Variants in PHAF1 observed in about 807,000 individuals in gnomAD.
The protein encoded by PHAF1 is phagosome assembly factor 1.
A neutral mutation model predicts 63.1 loss-of-function variants in PHAF1; 23 were observed. The ratio of observed to expected loss-of-function variants is 0.36; its 90% CI spans 0.26 to 0.52. The LOEUF is 0.52. PHAF1 is among the 20% of genes least tolerant of loss of function. PHAF1 has a pLI of 0.93. For missense variants in PHAF1, 427 were observed against 517.2 expected (o/e 0.83, Z 1.69); for synonymous variants, 167 against 185.0 (o/e 0.90, Z 0.79).
intron 6 of PHAF1, among the ~76,000 whole-genome samples, chr16:67,133,517 A>AC (rs1025625392): frequency 6.7e-6 from 1 of 149,610 alleles, no homozygotes; most frequent in African/African-American, 2.5e-5. Flanking sequence ...AAAAAAAAAA[A>AC]AAAAACAGGC....
In PHAF1 at chr16:67,110,247, T is replaced by G; in HGVS notation, c.64+8T>G. ...AATGGGAATTCACGCTGGGTGAGTT[T>G]GGGGTCCTCTGTCAGGACCCCATTC... On this transcript the variant is annotated splice_region_variant and intron_variant, in intron 1 of 15. Coordinates refer to ENST00000219139, the MANE Select transcript of PHAF1 (RefSeq NM_025187.5). 2 of 1,551,802 alleles carry G rather than the reference T, an allele frequency of 1.3e-6. No individual in the cohort carries two copies. The highest frequency in any genetic ancestry group is 1.7e-6 in the Non-Finnish European group (2 of 1,147,082).
chr16:67,118,405 C>T (rs191318442), intron 1 of PHAF1, among the ~76,000 whole-genome samples: 1 of 137,112 alleles, frequency 7.3e-6, no homozygotes, highest in Admixed American at 8.0e-5. Flanking sequence ...GGCGCTATCT[C>T]GGTTCACTAC....
Position 67,147,094 on chromosome 16 carries a change from G to C in PHAF1, c.1232G>C (p.Arg411Thr), listed in dbSNP as rs141965414. Reference protein sequence around the residue: ...IASVTLYGPPRPGSHLRTAEL... With the variant: ...IASVTLYGPPTPGSHLRTAEL... ...TCGGTGACCCTGTATGGCCCCCCCA[G>C]GCCTGGTAGCCACCTGAGAACAGCG... Residue 411 changes from arginine to threonine, a missense_variant, in exon 16 of 16, where the codon AGG becomes ACG. By Grantham distance (71) the Arg-to-Thr change is moderately conservative. Coordinates refer to ENST00000219139, the MANE Select transcript of PHAF1 (RefSeq NM_025187.5). 2.5e-6 allele frequency: 4 copies of C among 1,613,886 alleles called. No individual in the cohort carries two copies. The highest frequency in any genetic ancestry group is 3.4e-6 in the Non-Finnish European group (4 of 1,179,970).
At position 67,110,191 on chromosome 16, in the gene PHAF1, G is replaced by A; in HGVS notation, c.16G>A (p.Val6Ile). The change falls in exon 1 of 16, where the codon GTA becomes ATA. Residue 6 changes from valine (V) to isoleucine (I), a missense_variant. Val to Ile is a conservative substitution (Grantham distance 29, BLOSUM62 3). Coordinates refer to ENST00000219139, the MANE Select transcript of PHAF1 (RefSeq NM_025187.5). MLDLE[V>I]VPERSLGNEQ... ...AGCCGAACCAATGCTGGACCTGGAG[G>A]TAGTGCCCGAACGCTCTCTGGGGAA... 1 of 1,552,800 alleles carries A rather than the reference G, an allele frequency of 6.4e-7. No individual in the cohort carries two copies. Among genetic ancestry groups the A allele is most frequent in the Non-Finnish European group, 8.7e-7 (1 of 1,147,732 alleles).
At chr16:67,144,900 G>T in intron 12 of PHAF1, 23 bp downstream of exon 12, 1 of 1,610,688 alleles carries the variant, frequency 6.2e-7, no homozygotes, top group Admixed American at 1.7e-5. Flanking sequence ...AGCTCTCAGG[G>T]TAAGGGAGGG....
chr16:67,121,117 C>G (rs933162998), intron 2 of PHAF1, among the ~76,000 whole-genome samples: 1 of 151,834 alleles, frequency 6.6e-6, no homozygotes, highest in Non-Finnish European at 1.5e-5. Flanking sequence ...GTGCCTATGA[C>G]AGAACAGGAG....
chr16:67,148,541 G>T lies in PHAF1; in HGVS notation c.*1410G>T, dbSNP rs569634173. On this transcript the variant is annotated 3_prime_UTR_variant, in exon 16 of 16. Transcript: ENST00000219139. ...CTGTTGCTGGGATGTTTGTATTAAG[G>T]TAAGTGTGGGTATTGGTTTTTTGAG... 1 of 152,156 alleles carries T rather than the reference G, an allele frequency of 6.6e-6. No individual in the cohort carries two copies. The highest frequency in any genetic ancestry group is 1.5e-5 in the Non-Finnish European group (1 of 68,002). The allele number at this position is 152,156 out of a possible 1,614,324, so 9.4% of individuals were successfully genotyped here.
chr16:67,142,984 G>A (rs1345447207), intron 10 of PHAF1, among the ~76,000 whole-genome samples: 1 of 152,206 alleles, frequency 6.6e-6, no homozygotes, highest in Non-Finnish European at 1.5e-5. Flanking sequence ...TTAGTTGGCT[G>A]TGGGTACAGG....
chr16:67,138,122 C>T (rs1214123521), intron 8 of PHAF1, among the ~76,000 whole-genome samples: 6 of 152,036 alleles, frequency 3.9e-5, no homozygotes, highest in African/African-American at 1.4e-4. Context: ...CAGAGGGAGA[C>T]AGAAGACTTA....
At chr16:67,128,457 C>T (rs956097398) in intron 3 of PHAF1, among the ~76,000 whole-genome samples, 7 of 152,154 alleles carry the variant, frequency 4.6e-5, no homozygotes, top group Admixed American at 1.3e-4. Context: ...ATCTTCCTGC[C>T]CTTCCATCCA....
chr16:67,142,056 G>A (rs941330330), intron 10 of PHAF1, among the ~76,000 whole-genome samples: 1 of 152,236 alleles, frequency 6.6e-6, no homozygotes, highest in African/African-American at 2.4e-5. Context: ...GCTTTATTGG[G>A]CAACAGAACA....
At chr16:67,145,710 T>TGGG (rs749355357) in intron 14 of PHAF1, 82 bp downstream of exon 14, 20 of 1,450,152 alleles carry the variant, frequency 1.4e-5, no homozygotes, top group Admixed American at 1.3e-4. Context: ...GCACAGTGGA[T>TGGG]GTTGCTTAAA....
At chr16:67,114,109 G>A (rs1321465824) in intron 1 of PHAF1, among the ~76,000 whole-genome samples, 1 of 152,128 alleles carries the variant, frequency 6.6e-6, no homozygotes, top group African/African-American at 2.4e-5. Context: ...TAAAGGGTCA[G>A]TGAAGAAAAT....
chr16:67,129,286 T>C (rs1963303515), intron 3 of PHAF1, among the ~76,000 whole-genome samples: 1 of 152,214 alleles, frequency 6.6e-6, no homozygotes, highest in Admixed American at 6.5e-5. Flanking sequence ...ACACCTTCCC[T>C]ATGCAAATTA....
intron 1 of PHAF1, among the ~76,000 whole-genome samples, chr16:67,118,114 G>A (rs375645548): frequency 6.9e-5 from 10 of 144,376 alleles, no homozygotes; most frequent in East Asian, 4.1e-4. Flanking sequence ...CCGCCACCAC[G>A]CCCGGCTAAT....
intron 8 of PHAF1, 134 bp from the exon 9 acceptor site, chr16:67,139,825 GTCTTAAGCCCTGGTGACCTGATGTT>G (rs1963739650): frequency 2.7e-6 from 2 of 750,496 alleles, no homozygotes; most frequent in East Asian, 4.9e-5. Context: ...CTCTTGTACA[GTCTTAAGCCCTGGTGACCTGATGTT>G]TCTGATTGCA....
At chr16:67,116,574 G>C (rs1307977770) in intron 1 of PHAF1, among the ~76,000 whole-genome samples, 2 of 152,154 alleles carry the variant, frequency 1.3e-5, no homozygotes, top group Non-Finnish European at 2.9e-5. Context: ...TATTGGCCAC[G>C]TGCGGTGGCT....
rs942754160 is a variant in PHAF1, at chr16:67,132,839, C to T, written c.378C>T (p.Leu126=). The T allele has an allele frequency of 6.2e-7, 1 of 1,613,462 alleles. No homozygotes were observed. Among genetic ancestry groups the T allele is most frequent in the African/African-American group, 1.3e-5 (1 of 74,920 alleles). Residue 126 remains leucine, a synonymous_variant, in exon 6 of 16, where the codon CTC becomes CTT. Transcript: ENST00000219139. The stretch of plus-strand genomic sequence containing the variant: ...CAGTGTACAACTCCGCTGAGCAGCT[C>T]TTCCATCTCAACTTCAGAGGACTGT... The part of the protein sequence containing the change: ...HPGVYNSAEQ[L]FHLNFRGLSF...
intron 3 of PHAF1, among the ~76,000 whole-genome samples, chr16:67,129,319 C>T (rs778818235): frequency 1.1e-4 from 16 of 152,216 alleles, no homozygotes; most frequent in Non-Finnish European, 2.4e-4. Context: ...AGGGGCTTAA[C>T]TTATTGGACC....
Sources: gnomAD v4.1 joint callset for allele counts (sites outside exome capture counted in the v4.1 genomes callset) on GRCh38, gnomAD v4.1.1 for gene constraint, MANE v1.5 for transcripts, NCBI Gene and HGNC (gene_info 2026-07-23, HGNC 2026-07-21) for gene names.